The following BRK1 variants were observed in gnomAD, a reference collection of about 807,000 sequenced individuals.
BRK1 encodes the protein BRICK1 subunit of SCAR/WAVE actin nucleating complex.
A neutral mutation model predicts 9.9 loss-of-function variants in BRK1; 6 were observed. The observed-to-expected ratio is 0.60, with a 90% confidence interval of 0.33 to 1.19. BRK1 has a LOEUF of 1.19. Among genes scored for constraint, BRK1 ranks in the 50% most tolerant of loss-of-function variants. The pLI is 0.04. For synonymous variants in BRK1, 44 were observed against 31.9 expected, an observed-to-expected ratio of 1.38 and a Z score of -1.28; for missense variants, 62 against 97.5, an observed-to-expected ratio of 0.64 and a Z score of 1.53.
In BRK1 at chr3:10,115,711, C is replaced by G; in HGVS notation, c.10C>G (p.Gln4Glu). The change falls in exon 1 of 3, where the codon CAG becomes GAG. Residue 4 changes from glutamine to glutamate, a missense_variant. Gln to Glu is a conservative substitution (Grantham distance 29). Coordinates refer to ENST00000530758, the MANE Select transcript of BRK1 (RefSeq NM_018462.5). MAGQEDPVQREIHQ... is the reference protein window; with the variant it reads MAGEEDPVQREIHQ... Reference sequence around the variant, plus strand: ...TCCTCAGGCGGCGGCCATGGCGGGACAGGAGGATCCGGTGCAGCGGGAGAT... The same window carrying G: ...TCCTCAGGCGGCGGCCATGGCGGGAGAGGAGGATCCGGTGCAGCGGGAGAT... 6.2e-7 allele frequency: 1 copy of G among 1,613,806 alleles called. No homozygotes were observed. The highest frequency in any genetic ancestry group is 1.1e-5 in the South Asian group (1 of 91,088).
At chr3:10,119,520 A>G (rs1482826387) in intron 1 of BRK1, among the ~76,000 whole-genome samples, 1 of 152,176 alleles carries the variant, frequency 6.6e-6, no homozygotes, top group East Asian at 1.9e-4. Flanking sequence ...GCAATTCTGT[A>G]GTCCTTACCC....
At chr3:10,119,855 T>G (rs1034630794) in intron 1 of BRK1, among the ~76,000 whole-genome samples, 7 of 152,206 alleles carry the variant, frequency 4.6e-5, no homozygotes, top group Admixed American at 3.3e-4. Context: ...ATGTGGCTGT[T>G]TTTTTAAAAT....
intron 1 of BRK1, among the ~76,000 whole-genome samples, chr3:10,119,270 A>T (rs1438526020): frequency 1.3e-5 from 2 of 152,130 alleles, no homozygotes; most frequent in South Asian, 4.1e-4. Context: ...CAGCCTGGCC[A>T]ATATGGCGAA....
In BRK1 at chr3:10,123,038, T is replaced by G. The variant is rs3774208; in HGVS notation, c.119-2588T>G. On this transcript the variant is annotated intron_variant, in intron 1 of 2. Coordinates refer to ENST00000530758, the MANE Select transcript of BRK1 (RefSeq NM_018462.5). ...AATATTTCAGACTTGAAAACTGAAG[T>G]TTATTGAGAGATGACTGAACAACAA... is the stretch of plus-strand genomic sequence containing the variant. Among the ~76,000 whole-genome samples the G allele has an allele frequency of 0.16, 24,879 of 152,154 alleles. 2,574 individuals are homozygous for G. Among genetic ancestry groups the G allele is most frequent in the African/African-American group, 0.29 (12,078 of 41,496 alleles).
Position 10,115,715 on chromosome 3 carries a change from A to T in BRK1, c.14A>T (p.Glu5Val). The change falls in exon 1 of 3, where the codon GAG becomes GTG. Residue 5 changes from glutamate to valine, a missense_variant. Glu to Val is a moderately radical substitution (Grantham distance 121). Transcript: ENST00000530758. The stretch of plus-strand genomic sequence containing the variant: ...CAGGCGGCGGCCATGGCGGGACAGG[A>T]GGATCCGGTGCAGCGGGAGATTCAC... MAGQ[E>V]DPVQREIHQD... The T allele has an allele frequency of 1.2e-6, 2 of 1,611,938 alleles. No individual in the cohort carries two copies. Among genetic ancestry groups the T allele is most frequent in the Non-Finnish European group, 1.7e-6 (2 of 1,178,790 alleles).
At chr3:10,125,249 A>T (rs575150139) in intron 1 of BRK1, among the ~76,000 whole-genome samples, 1 of 152,034 alleles carries the variant, frequency 6.6e-6, no homozygotes, top group South Asian at 2.1e-4. Context: ...GATTACAGGC[A>T]TGTGCCATCA....
Position 10,126,746 on chromosome 3 carries a change from C to A in BRK1, c.*451C>A. 1 of 154,986 alleles carries A rather than the reference C, an allele frequency of 6.5e-6. No homozygotes were observed. Among genetic ancestry groups the A allele is most frequent in the Non-Finnish European group, 1.4e-5 (1 of 69,606 alleles). 9.6% of individuals were successfully genotyped at this position (154,986 alleles called of 1,614,324 possible). A position where few individuals can be genotyped will look rare whatever the true frequency, so the allele number is the denominator to read the frequency against. On this transcript the variant is annotated 3_prime_UTR_variant, in exon 3 of 3. Coordinates refer to ENST00000530758, the MANE Select transcript of BRK1 (RefSeq NM_018462.5). ...GCAGTCCTGGTCAAGACACTCATGCCCTGGCAATGTGGCTGCCAGAGAATG... is the reference window on the plus strand; with the variant it reads ...GCAGTCCTGGTCAAGACACTCATGCACTGGCAATGTGGCTGCCAGAGAATG...
At chr3:10,119,787 T>C (rs1695732818) in intron 1 of BRK1, among the ~76,000 whole-genome samples, 1 of 152,326 alleles carries the variant, frequency 6.6e-6, no homozygotes, top group Non-Finnish European at 1.5e-5. Context: ...ATTCTTATGC[T>C]ATTTTTTTCT....
intron 1 of BRK1, among the ~76,000 whole-genome samples, chr3:10,119,210 A>G (rs1431119191): frequency 6.6e-6 from 1 of 151,548 alleles, no homozygotes; most frequent in Non-Finnish European, 1.5e-5. Context: ...TAATCCCAGC[A>G]CTTTGGGAGG....
rs1454742679 is a variant in BRK1 at position 10,126,776 on chromosome 3, T to C, written c.*481T>C. Reference sequence around the variant, plus strand: ...CAATGTGGCTGCCAGAGAATGTTGTTGCTAACCCACCAGTTTCTTGTTGAT... The same window carrying C: ...CAATGTGGCTGCCAGAGAATGTTGTCGCTAACCCACCAGTTTCTTGTTGAT... On this transcript the variant is annotated 3_prime_UTR_variant, in exon 3 of 3. Transcript: ENST00000530758. The C allele has an allele frequency of 6.5e-6, 1 of 153,958 alleles. No homozygotes were observed. The highest frequency in any genetic ancestry group is 1.5e-5 in the Non-Finnish European group (1 of 68,952). The allele number at this position is 153,958 out of a possible 1,614,324, so 9.5% of individuals were successfully genotyped here.
chr3:10,122,291 G>T (rs1027611493), intron 1 of BRK1, among the ~76,000 whole-genome samples: 3 of 151,990 alleles, frequency 2.0e-5, no homozygotes, highest in Admixed American at 2.0e-4. Flanking sequence ...CCAATCATGG[G>T]CATTTGGTTT....
intron 1 of BRK1, among the ~76,000 whole-genome samples, chr3:10,121,722 A>C (rs1358533238): frequency 6.7e-6 from 1 of 148,734 alleles, no homozygotes; most frequent in Non-Finnish European, 1.5e-5. Context: ...CTATTTCATT[A>C]AATATTCCTC....
chr3:10,125,192 C>A (rs1367181750), intron 1 of BRK1, among the ~76,000 whole-genome samples: 1 of 151,494 alleles, frequency 6.6e-6, no homozygotes, highest in East Asian at 1.9e-4. Context: ...AACCTTTGCC[C>A]CCCCCGGTTC....
In BRK1 at chr3:10,115,732, G is replaced by C; in HGVS notation, c.31G>C (p.Glu11Gln). ...GGGACAGGAGGATCCGGTGCAGCGG[G>C]AGATTCACCAGGACTGGGCTAACCG... The part of the protein sequence containing the change: MAGQEDPVQR[E>Q]IHQDWANREY... Residue 11 changes from glutamate (E) to glutamine (Q), a missense_variant, in exon 1 of 3, where the codon GAG becomes CAG. Coordinates refer to ENST00000530758, the MANE Select transcript of BRK1 (RefSeq NM_018462.5). The C allele has an allele frequency of 2.5e-6, 4 of 1,613,992 alleles. No homozygotes were observed. Among genetic ancestry groups the C allele is most frequent in the Non-Finnish European group, 3.4e-6 (4 of 1,179,876 alleles).
chr3:10,115,794 A>G lies in BRK1; in HGVS notation c.93A>G (p.Lys31=), dbSNP rs1380766211. 6.2e-7 allele frequency: 1 copy of G among 1,613,958 alleles called. No individual in the cohort carries two copies. Among genetic ancestry groups the G allele is most frequent in the South Asian group, 1.1e-5 (1 of 91,080 alleles). ...AGATAATCACCAGCAGCATCAAGAA[A>G]ATCGCAGACTTTCTCAACTCGTTCG... ...YIEIITSSIK[K]IADFLNSFDM... The change falls in exon 1 of 3, where the codon AAA becomes AAG. Residue 31 remains lysine, a synonymous_variant. Coordinates refer to ENST00000530758, the MANE Select transcript of BRK1 (RefSeq NM_018462.5).
intron 1 of BRK1, among the ~76,000 whole-genome samples, chr3:10,122,964 G>C (rs1381864304): frequency 6.6e-6 from 1 of 152,176 alleles, no homozygotes; most frequent in Admixed American, 6.5e-5. Flanking sequence ...TAGATGAAAA[G>C]GAAACTTGTT....
At chr3:10,116,815 A>G (rs1195761489) in intron 1 of BRK1, among the ~76,000 whole-genome samples, 1 of 152,250 alleles carries the variant, frequency 6.6e-6, no homozygotes, top group African/African-American at 2.4e-5. Flanking sequence ...CTCTTAAGGC[A>G]TAGTGGGAGA....
intron 1 of BRK1, among the ~76,000 whole-genome samples, chr3:10,116,533 C>G (rs1259035508): frequency 6.6e-6 from 1 of 152,156 alleles, no homozygotes; most frequent in Non-Finnish European, 1.5e-5. Flanking sequence ...CTAGGCATGG[C>G]CTGCTTGTGA....
At chr3:10,119,014 TTTTG>T (rs1695721745) in intron 1 of BRK1, among the ~76,000 whole-genome samples, 1 of 151,180 alleles carries the variant, frequency 6.6e-6, no homozygotes, top group South Asian at 2.1e-4. Flanking sequence ...TGTTTGTTTG[TTTTG>T]TTTGTTTTTT....
Sources: gnomAD v4.1 joint callset for allele counts (sites outside exome capture counted in the v4.1 genomes callset) on GRCh38, gnomAD v4.1.1 for gene constraint, MANE v1.5 for transcripts, NCBI Gene and HGNC (gene_info 2026-07-23, HGNC 2026-07-21) for gene names.